The following NPHP4 variants were observed in gnomAD, a reference collection of about 807,000 sequenced individuals.
NPHP4 encodes the protein nephrocystin-4.
Under a neutral mutation model 155.8 loss-of-function variants are expected in NPHP4, and 151 were observed. The ratio of observed to expected loss-of-function variants is 0.97; its 90% confidence interval spans 0.85 to 1.11. The LOEUF is 1.11. Among genes scored for constraint, NPHP4 ranks in the 50% least tolerant of loss-of-function variants. NPHP4 has a pLI of 0.00. For missense variants in NPHP4, 1,956 were observed against 1,925.7 expected (o/e 1.02, Z -0.29); for synonymous variants, 845 against 816.8 (o/e 1.03, Z -0.59).
At chr1:5,902,217 C>A (rs548418250) in intron 16 of NPHP4, among the ~76,000 whole-genome samples, 34 of 152,236 alleles carry the variant, frequency 2.2e-4, no homozygotes, top group Non-Finnish European at 4.7e-4. Context: ...CCACTCTCTT[C>A]TTTTCAGATC....
At chr1:5,908,573 G>A (rs752726005) in intron 12 of NPHP4, among the ~76,000 whole-genome samples, 1 of 152,140 alleles carries the variant, frequency 6.6e-6, no homozygotes, top group Non-Finnish European at 1.5e-5. Flanking sequence ...CAGCCAAGCA[G>A]GAGCTCAGCT....
chr1:5,872,820 T>C (rs902214020), intron 23 of NPHP4, among the ~76,000 whole-genome samples: 3 of 152,220 alleles, frequency 2.0e-5, no homozygotes, highest in African/African-American at 7.2e-5. Flanking sequence ...AGCCAGCTGT[T>C]GAGAAGCAGG....
At position 5,944,424 on chromosome 1, in the gene NPHP4, C is replaced by T. The variant is rs547997177; in HGVS notation, c.1119+2680G>A. Reference sequence around the variant, plus strand: ...GGCCTTCCAAGGAGCGCGCTGGGCTCCTCTACCACAGCCACCGTCACAGAC... The same window carrying T: ...GGCCTTCCAAGGAGCGCGCTGGGCTTCTCTACCACAGCCACCGTCACAGAC... On this transcript the variant is annotated intron_variant, in intron 9 of 29. Transcript: ENST00000378156. This position sits in a 1 kb window ranked among gnomAD's most constrained non-coding sequence, Gnocchi z 4.3. Among the ~76,000 whole-genome samples the T allele has an allele frequency of 2.0e-5, 3 of 152,348 alleles. No individual in the cohort carries two copies. Among genetic ancestry groups the T allele is most frequent in the Non-Finnish European group, 1.5e-5 (1 of 68,040 alleles).
chr1:5,977,233 G>C (rs1292196667), intron 3 of NPHP4, among the ~76,000 whole-genome samples: 1 of 152,072 alleles, frequency 6.6e-6, no homozygotes, highest in African/African-American at 2.4e-5. Flanking sequence ...AGACCCTGTA[G>C]GACCCAGCCA....
At position 5,964,546 on chromosome 1, in the gene NPHP4, T is replaced by C. The variant is rs555253071; in HGVS notation, c.518-2597A>G. The stretch of plus-strand genomic sequence containing the variant: ...TACAAGCCATGCCTGGAGAAGCATG[T>C]TATGATCTGCGTCAATGTGCCTGGA... On this transcript the variant is annotated intron_variant, in intron 5 of 29. Transcript: ENST00000378156. Among the ~76,000 whole-genome samples, 13 of 152,294 alleles carry C rather than the reference T, an allele frequency of 8.5e-5. No individual in the cohort carries two copies. In the East Asian group the frequency reaches 2.5e-3, roughly 29 times the overall value.
intron 10 of NPHP4, 145 bp from the exon 11 acceptor site, chr1:5,927,932 T>C (rs1646093831): frequency 1.1e-6 from 1 of 875,774 alleles, no homozygotes; most frequent in Non-Finnish European, 1.7e-6. Flanking sequence ...TCTCAGATTA[T>C]AATCAAGTAG....
At chr1:5,967,554 T>C (rs911847552) in intron 4 of NPHP4, among the ~76,000 whole-genome samples, 191 bp from the exon 5 acceptor site, 3 of 152,218 alleles carry the variant, frequency 2.0e-5, no homozygotes, top group African/African-American at 7.2e-5. Flanking sequence ...TGGCCAAGCA[T>C]GTCTGGCACA....
At chr1:5,868,471 G>T in intron 23 of NPHP4, 1 of 233,010 alleles carries the variant, frequency 4.3e-6, no homozygotes. Flanking sequence ...TGATAAAAAG[G>T]CTATATTTGT....
chr1:5,907,823 G>T (rs1644986160), intron 12 of NPHP4, among the ~76,000 whole-genome samples: 2 of 152,230 alleles, frequency 1.3e-5, no homozygotes, highest in Non-Finnish European at 2.9e-5. Context: ...TAAACTGCAG[G>T]ACTGTTAGGA....
chr1:5,931,523 C>T (rs1646272149), intron 10 of NPHP4, among the ~76,000 whole-genome samples: 1 of 151,782 alleles, frequency 6.6e-6, no homozygotes, highest in African/African-American at 2.4e-5. Context: ...CACCTAAGGT[C>T]AGGAGTTCAA....
chr1:5,865,763 G>C (rs1641157903), intron 26 of NPHP4: 1 of 163,700 alleles, frequency 6.1e-6, no homozygotes, highest in African/African-American at 2.4e-5. Flanking sequence ...GCTGGGTGAG[G>C]CATCTTCATG....
At chr1:5,863,798 T>G in intron 29 of NPHP4, 92 bp downstream of exon 29, 1 of 1,387,818 alleles carries the variant, frequency 7.2e-7, no homozygotes, top group Non-Finnish European at 1.0e-6. Flanking sequence ...CTGCTGGTGA[T>G]TTGAGGAACT....
chr1:5,949,945 G>A (rs1647642090), intron 7 of NPHP4, among the ~76,000 whole-genome samples: 1 of 152,138 alleles, frequency 6.6e-6, no homozygotes, highest in Non-Finnish European at 1.5e-5. Flanking sequence ...AGGAGCCTAG[G>A]TGTCAGTCCA....
At chr1:5,982,874 G>C (rs806104) in intron 2 of NPHP4, among the ~76,000 whole-genome samples, 1 of 151,998 alleles carries the variant, frequency 6.6e-6, no homozygotes, top group Non-Finnish European at 1.5e-5. Context: ...CACAGTAGTC[G>C]ATAAACATAC....
chr1:5,971,664 G>A (rs1047467661), intron 3 of NPHP4, among the ~76,000 whole-genome samples: 8 of 152,162 alleles, frequency 5.3e-5, no homozygotes, highest in East Asian at 1.9e-4. Flanking sequence ...CCCAATTCCC[G>A]CCTCACTCAG....
chr1:5,887,640 C>T lies in NPHP4; in HGVS notation c.2305-174G>A, dbSNP rs117388284. 1.5e-4 allele frequency among the ~76,000 whole-genome samples: 23 copies of T among 152,294 alleles called. No individual in the cohort carries two copies. In the East Asian group the frequency reaches 4.1e-3, roughly 27 times the overall value. ...GGGGGTGAGGGGGCGGCGAGCCAGG[C>T]GCCAACGTCTTAAAGCAGGACTCCT... On this transcript the variant is annotated intron_variant, in intron 17 of 29. Coordinates refer to ENST00000378156, the MANE Select transcript of NPHP4 (RefSeq NM_015102.5).
chr1:5,935,773 G>A (rs918392577), intron 9 of NPHP4, among the ~76,000 whole-genome samples: 2 of 152,166 alleles, frequency 1.3e-5, no homozygotes, highest in Non-Finnish European at 2.9e-5. Flanking sequence ...TACTCGGGAG[G>A]CTGAGGCAGG....
chr1:5,904,203 C>G (rs1029749997), intron 16 of NPHP4, among the ~76,000 whole-genome samples: 1 of 152,116 alleles, frequency 6.6e-6, no homozygotes, highest in Non-Finnish European at 1.5e-5. Context: ...CAGTATGGAC[C>G]TTATTTCTGG....
chr1:5,899,313 C>A (rs144593041), intron 16 of NPHP4, among the ~76,000 whole-genome samples: 22 of 152,312 alleles, frequency 1.4e-4, no homozygotes, highest in Non-Finnish European at 2.6e-4. Flanking sequence ...CGACACTGGG[C>A]TTCTCTACAG....
Sources: allele counts gnomAD v4.1 joint callset (sites outside exome capture counted in the v4.1 genomes callset), GRCh38; gene constraint gnomAD v4.1.1; non-coding constraint Gnocchi (gnomAD v3.1); transcripts MANE v1.5; gene names NCBI Gene and HGNC (gene_info 2026-07-23, HGNC 2026-07-21).